ARSG: variants seen among roughly 807,000 people sequenced by gnomAD.
ARSG encodes ASG.
Under a neutral mutation model 50.5 loss-of-function variants are expected in ARSG, and 37 were observed. The observed-to-expected ratio is 0.73, with a 90% CI of 0.56 to 0.96. The LOEUF (loss-of-function observed/expected upper bound fraction) is 0.96, where lower values mean the gene tolerates loss of function less well. Ranked by LOEUF, ARSG falls within the 50% of genes least tolerant of loss-of-function variation. The pLI is 0.00. For synonymous variants in ARSG, 225 were observed against 254.6 expected, an observed-to-expected ratio of 0.88 and a Z score of 1.11; for missense variants, 629 against 675.3, an observed-to-expected ratio of 0.93 and a Z score of 0.76.
chr17:68,268,765 A>G (rs544095709), intron 1 of ARSG: 31 of 253,728 alleles, frequency 1.2e-4, no homozygotes, highest in African/African-American at 6.5e-4. Context: ...CCACTTTGCC[A>G]GTTCATGTCA....
Position 68,345,210 on chromosome 17 carries a change from G to A in ARSG, c.406+1419G>A, listed in dbSNP as rs6501393. Among the ~76,000 whole-genome samples the A allele has an allele frequency of 5.4e-3, 825 of 152,322 alleles. 4 individuals are homozygous for A. Among genetic ancestry groups the A allele is most frequent in the Non-Finnish European group, 8.7e-3 (591 of 68,032 alleles). ...CAGCCAGCTGAACGAAGTGGCTCAC[G>A]CCTGTAATCCCAGCACTATGGAAGG... On this transcript the variant is annotated intron_variant, in intron 3 of 11. Coordinates refer to ENST00000621439, the MANE Select transcript of ARSG (RefSeq NM_001267727.2).
chr17:68,347,445 G>A lies in ARSG; in HGVS notation c.454+273G>A, dbSNP rs966064867. On this transcript the variant is annotated intron_variant, in intron 4 of 11. Transcript: ENST00000621439. ...CCCATCAGCTTTTTTGCCATCTCTC[G>A]GTTCTTTACACCTCAGGGAACATTC... Among the ~76,000 whole-genome samples, 9 of 152,180 alleles carry A rather than the reference G, an allele frequency of 5.9e-5. No homozygotes were observed. The South Asian group carries it at 1.5e-3, about 25-fold the overall frequency.
At chr17:68,427,806 G>A in the ARSG span, among the ~76,000 whole-genome samples, 2 of 152,218 alleles carry the variant, frequency 1.3e-5, no homozygotes, top group Admixed American at 1.3e-4. Flanking sequence ...CCATCGGTGG[G>A]GGGCGGTGGC....
chr17:68,323,513 A>G (rs2145885308), intron 2 of ARSG, among the ~76,000 whole-genome samples: 1 of 152,192 alleles, frequency 6.6e-6, no homozygotes, highest in Non-Finnish European at 1.5e-5. Flanking sequence ...CCTTCCCAAA[A>G]TGCTGGGATT....
chr17:68,346,233 G>A (rs565128909), intron 3 of ARSG, among the ~76,000 whole-genome samples: 16 of 152,138 alleles, frequency 1.1e-4, no homozygotes, highest in Non-Finnish European at 2.2e-4. Context: ...ATCCCATAGA[G>A]CAGTTGCAGG....
the ARSG span, chr17:68,435,685 C>T: frequency 1.5e-5 from 25 of 1,614,102 alleles, no homozygotes; most frequent in African/African-American, 4.0e-5. Context: ...AGTGTTCCCT[C>T]ATGGGCAGCA....
the ARSG span, among the ~76,000 whole-genome samples, chr17:68,429,750 G>A: frequency 0.032 from 4,906 of 152,098 alleles, 262 homozygotes; most frequent in African/African-American, 0.11. Context: ...CACCATACCC[G>A]GCTAATTTTT....
At position 68,336,301 on chromosome 17, in the gene ARSG, C is replaced by T. The variant is rs897030879; in HGVS notation, c.219-7303C>T. On this transcript the variant is annotated intron_variant, in intron 2 of 11. Coordinates refer to ENST00000621439, the MANE Select transcript of ARSG (RefSeq NM_001267727.2). ...CTCAGCTCACTGCAACCTCCTTCTC[C>T]CAGATTCAAGCGGTTCTCCTGCCTC... Among the ~76,000 whole-genome samples, 3 of 151,536 alleles carry T rather than the reference C, an allele frequency of 2.0e-5. No individual in the cohort carries two copies. The South Asian group carries it at 6.3e-4, about 32-fold the overall frequency.
Position 68,307,301 on chromosome 17 carries a change from C to T in ARSG, c.-193C>T, listed in dbSNP as rs1232963488. ...GAATTAGGATTCCAGATGGGGGCCT[C>T]ATTTCTACAGCCCCCAACATTCCTA... On this transcript the variant is annotated 5_prime_UTR_variant, in exon 2 of 12. Coordinates refer to ENST00000621439, the MANE Select transcript of ARSG (RefSeq NM_001267727.2). 7.3e-6 allele frequency: 4 copies of T among 551,116 alleles called. No individual in the cohort carries two copies. The highest frequency in any genetic ancestry group is 3.8e-5 in the African/African-American group (2 of 52,620). 34.1% of individuals were successfully genotyped at this position (551,116 alleles called of 1,614,324 possible).
chr17:68,285,350 C>T (rs564714318), intron 1 of ARSG, among the ~76,000 whole-genome samples: 2 of 152,156 alleles, frequency 1.3e-5, no homozygotes, highest in African/African-American at 2.4e-5. Context: ...TGCAGTGGCA[C>T]GATCATAGCT....
intron 1 of ARSG, among the ~76,000 whole-genome samples, chr17:68,261,133 CAG>C (rs1286081072): frequency 6.6e-6 from 1 of 152,168 alleles, no homozygotes; most frequent in Non-Finnish European, 1.5e-5. Context: ...CGTAGCAGCA[CAG>C]ACTCTCTTGA....
the ARSG span, chr17:68,434,466 C>T: frequency 7.5e-7 from 1 of 1,335,726 alleles, no homozygotes. Context: ...GGGCACAGAG[C>T]CACTCTCTGT....
intron 1 of ARSG, chr17:68,274,213 C>T (rs1308065056): frequency 1.2e-6 from 1 of 816,010 alleles, no homozygotes. Context: ...TGCCTGTAAT[C>T]CCAGCACTTT....
At position 68,420,652 on chromosome 17, in the gene ARSG, G is replaced by T; in HGVS notation, c.*189G>T. 1.5e-6 allele frequency: 1 copy of T among 685,816 alleles called. No homozygotes were observed. Among genetic ancestry groups the T allele is most frequent in the Non-Finnish European group, 2.4e-6 (1 of 415,254 alleles). The allele number at this position is 685,816 out of a possible 1,614,324, so 42.5% of individuals were successfully genotyped here. A position where few individuals can be genotyped will look rare whatever the true frequency, so the allele number is the denominator to read the frequency against. On this transcript the variant is annotated 3_prime_UTR_variant, in exon 12 of 12. Coordinates refer to ENST00000621439, the MANE Select transcript of ARSG (RefSeq NM_001267727.2). ...GCCGACCCGAGAGCAGCTGAGCTGC[G>T]CTGGCTCTGGGCAGGGAGTGTGCCT... is the stretch of plus-strand genomic sequence containing the variant.
At chr17:68,346,051 T>A (rs561017468) in intron 3 of ARSG, among the ~76,000 whole-genome samples, 1 of 152,176 alleles carries the variant, frequency 6.6e-6, no homozygotes, top group South Asian at 2.1e-4. Context: ...AATTTTTGTA[T>A]TTTTAGTAGA....
intron 1 of ARSG, among the ~76,000 whole-genome samples, chr17:68,294,329 C>T (rs2076129929): frequency 6.6e-6 from 1 of 152,186 alleles, no homozygotes; most frequent in South Asian, 2.1e-4. Context: ...GAACAGATTC[C>T]TTTGTGTAAA....
intron 6 of ARSG, among the ~76,000 whole-genome samples, chr17:68,364,798 T>A (rs1228901410): frequency 6.6e-6 from 1 of 152,242 alleles, no homozygotes; most frequent in Non-Finnish European, 1.5e-5. Flanking sequence ...AATCAGTATT[T>A]TTTTAAAGCA....
intron 10 of ARSG, among the ~76,000 whole-genome samples, chr17:68,395,619 AAC>A (rs1156993190): frequency 2.0e-5 from 3 of 152,314 alleles, no homozygotes; most frequent in African/African-American, 7.2e-5. Context: ...ATTTATATTT[AAC>A]AGTTTGGCTT....
chr17:68,405,394 A>G lies in ARSG; in HGVS notation c.1303+3944A>G, dbSNP rs961977051. On this transcript the variant is annotated intron_variant, in intron 11 of 11. Transcript: ENST00000621439. ...TATATTTTATGGTTTTCATTATGCA[A>G]GTCTTTCACTTTTTTGTGTTAATTC... is the stretch of plus-strand genomic sequence containing the variant. Among the ~76,000 whole-genome samples, 4 of 152,048 alleles carry G rather than the reference A, an allele frequency of 2.6e-5. No individual in the cohort carries two copies. The East Asian group carries it at 7.7e-4, about 29-fold the overall frequency.
Sources: allele counts gnomAD v4.1 joint callset (sites outside exome capture counted in the v4.1 genomes callset), GRCh38; gene constraint gnomAD v4.1.1; transcripts MANE v1.5; gene names NCBI Gene and HGNC (gene_info 2026-07-23, HGNC 2026-07-21).